UNC79: variants seen among roughly 807,000 people sequenced by gnomAD.
UNC79 encodes the protein unc-79 subunit of NALCN channel complex.
Under a neutral mutation model 283.1 loss-of-function variants are expected in UNC79, and 37 were observed. The observed-to-expected ratio is 0.13, with a 90% CI of 0.10 to 0.17. The LOEUF is 0.17. Ranked by LOEUF, UNC79 falls within the 10% of genes least tolerant of loss-of-function variation. The probability of loss-of-function intolerance (pLI) is 1.00; values close to 1 mark genes in which losing one functional copy is unlikely to be tolerated. For missense variants in UNC79, 2,272 were observed against 3,211.1 expected (o/e 0.71, Z 7.07); for synonymous variants, 1,107 against 1,200.2 (o/e 0.92, Z 1.61).
intron 1 of UNC79, among the ~76,000 whole-genome samples, chr14:93,462,077 C>T (rs1595521686): frequency 6.6e-6 from 1 of 152,104 alleles, no homozygotes; most frequent in East Asian, 1.9e-4. Flanking sequence ...GAGGCCGAGG[C>T]GGTCAGATCA....
Position 93,586,970 on chromosome 14 carries a change from A to T in UNC79, c.3032+62A>T. 2.5e-6 allele frequency: 4 copies of T among 1,571,416 alleles called. No individual in the cohort carries two copies. The South Asian group carries it at 4.8e-5, about 19-fold the overall frequency. ...CATTAGGCTTTAGTTGTGAAAATTAAAGTTAGATTAAGATTTACTGGCTTG... is the reference window on the plus strand; with the variant it reads ...CATTAGGCTTTAGTTGTGAAAATTATAGTTAGATTAAGATTTACTGGCTTG... On this transcript the variant is annotated intron_variant, in intron 22 of 48. Transcript: ENST00000555664.
At chr14:93,686,741 C>T in intron 43 of UNC79, 80 bp downstream of exon 46, 1 of 1,506,650 alleles carries the variant, frequency 6.6e-7, no homozygotes, top group Non-Finnish European at 9.1e-7. Context: ...CCATAGGGAA[C>T]TTATCGCTAC....
chr14:93,701,140 C>A (rs938338240), intron 47 of UNC79, among the ~76,000 whole-genome samples: 5 of 152,216 alleles, frequency 3.3e-5, no homozygotes, highest in Non-Finnish European at 5.9e-5. Flanking sequence ...GCTGCCAGTG[C>A]TACTGCCTGA....
chr14:93,674,523 A>G (rs570997268), intron 41 of UNC79, among the ~76,000 whole-genome samples: 60 of 152,328 alleles, frequency 3.9e-4, no homozygotes, highest in African/African-American at 1.4e-3. Flanking sequence ...TCAGGGTGTC[A>G]TTCAATGGCC....
rs767768906 is a variant in UNC79, at chr14:93,461,962, C to CAA, written c.23-5697_23-5696dup. Among the ~76,000 whole-genome samples, 4 of 35,990 alleles carry CAA rather than the reference C, an allele frequency of 1.1e-4. No homozygotes were observed. The East Asian group carries it at 4.3e-3, about 39-fold the overall frequency. The allele number at this position is 35,990 out of a possible 152,430, so 23.6% of individuals were successfully genotyped here. A position where few individuals can be genotyped will look rare whatever the true frequency, so the allele number is the denominator to read the frequency against. On this transcript the variant is annotated intron_variant, in intron 1 of 48. Transcript: ENST00000555664. Reference sequence around the variant, plus strand: ...ACAAGGACATAGAAAGGTTTTCAAGCAAAAAAAAAAAAAGAAAGAAAAGAA... The same window carrying CAA: ...ACAAGGACATAGAAAGGTTTTCAAGCAAAAAAAAAAAAAAAGAAAGAAAAGAA...
At position 93,690,612 on chromosome 14, in the gene UNC79, C is replaced by A. The variant is rs75195666; in HGVS notation, c.7272+309C>A. On this transcript the variant is annotated intron_variant, in intron 45 of 48. Coordinates refer to ENST00000555664, the Ensembl canonical transcript of UNC79. The surrounding 1 kb of genome is among the most constrained non-coding windows in gnomAD (Gnocchi z 4.3). The stretch of plus-strand genomic sequence containing the variant: ...AGAAATAAAAGGCTAGAAATATAAT[C>A]AAAATTCTGTGATCAGTTTTTAAAA... 4,880 of 288,164 alleles carry A rather than the reference C, an allele frequency of 0.017. 130 individuals are homozygous for A. Among genetic ancestry groups the A allele is most frequent in the African/African-American group, 0.073 (3,363 of 45,984 alleles). The allele number at this position is 288,164 out of a possible 1,614,324, so 17.9% of individuals were successfully genotyped here.
chr14:93,400,501 G>A (rs1469058548), intron 1 of UNC79, among the ~76,000 whole-genome samples: 1 of 152,048 alleles, frequency 6.6e-6, no homozygotes, highest in East Asian at 1.9e-4. Context: ...CAGATGAAGG[G>A]GAAAATTCCT....
In UNC79 at chr14:93,621,638, G is replaced by A; in HGVS notation, c.4405G>A (p.Glu1469Lys). ...TTGATCAGGTGAAATAGAACTGGCT[G>A]AATATAGAGAGACGGGTGCATTACA... The change falls in exon 30 of 49, where the codon GAA becomes AAA. Residue 1469 changes from glutamate (E) to lysine (K), a missense_variant. This residue lies in a region of UNC79 where 580 missense variants were observed against 632.2 expected (regional missense o/e 0.92). Transcript: ENST00000555664. This position sits in a 1 kb window ranked among gnomAD's most constrained non-coding sequence, Gnocchi z 4.8. 1 of 1,571,888 alleles carries A rather than the reference G, an allele frequency of 6.4e-7. No individual in the cohort carries two copies. The highest frequency in any genetic ancestry group is 1.2e-5 in the South Asian group (1 of 83,294).
At chr14:93,517,626 A>G (rs1275603063) in intron 7 of UNC79, among the ~76,000 whole-genome samples, 2 of 151,956 alleles carry the variant, frequency 1.3e-5, no homozygotes, top group African/African-American at 4.8e-5. Context: ...ATGGTAAATT[A>G]CATTGATTTT....
chr14:93,600,413 C>A (rs530275085), intron 24 of UNC79, among the ~76,000 whole-genome samples, 156 bp from the exon 25 acceptor site: 2 of 152,172 alleles, frequency 1.3e-5, no homozygotes, highest in African/African-American at 4.8e-5. Context: ...AACTTCGAAT[C>A]AAAAAAGATT....
rs79033522 is a variant in UNC79, at chr14:93,473,708, C to T, written c.144-381C>T. On this transcript the variant is annotated intron_variant, in intron 2 of 48. Transcript: ENST00000555664. The stretch of plus-strand genomic sequence containing the variant: ...AAAATGTCTTTTCCTTTGAAAGCTC[C>T]TTGTAATTAGGAATAAGAGCCCTTA... Among the ~76,000 whole-genome samples the T allele has an allele frequency of 3.7e-4, 56 of 152,264 alleles. 1 individual carries two copies. The highest frequency in any genetic ancestry group is 4.0e-4 in the Non-Finnish European group (27 of 68,024).
At chr14:93,643,424 C>G in intron 33 of UNC79, 133 bp from the exon 37 acceptor site, 2 of 1,249,430 alleles carry the variant, frequency 1.6e-6, no homozygotes, top group South Asian at 2.7e-5. Flanking sequence ...CTACTGATTA[C>G]CAGAGTGGGG....
rs550629999 is a variant in UNC79, at chr14:93,652,827, T to A, written c.6084-915T>A. On this transcript the variant is annotated intron_variant, in intron 35 of 48. Coordinates refer to ENST00000555664, the Ensembl canonical transcript of UNC79. ...ATTTCTTTTCTGTTTCCTTCTTTTT[T>A]AAAATTTATTTTGATAATGGCTTTA... 9.8e-5 allele frequency among the ~76,000 whole-genome samples: 15 copies of A among 152,330 alleles called. No homozygotes were observed. The East Asian group carries it at 2.9e-3, about 29-fold the overall frequency.
chr14:93,580,124 G>A (rs1255936733), intron 18 of UNC79, 25 bp from the exon 19 acceptor site: 6 of 1,587,296 alleles, frequency 3.8e-6, no homozygotes, highest in Middle Eastern at 1.7e-4. Flanking sequence ...GTGTGTGCGT[G>A]TGTCCTTTTT....
chr14:93,651,035 G>T (rs1422726362), intron 35 of UNC79, among the ~76,000 whole-genome samples: 1 of 152,068 alleles, frequency 6.6e-6, no homozygotes, highest in Non-Finnish European at 1.5e-5. Flanking sequence ...AGTTAAAAAA[G>T]ATATTTTCTT....
At chr14:93,410,854 C>T (rs1051263141) in intron 1 of UNC79, among the ~76,000 whole-genome samples, 1 of 152,100 alleles carries the variant, frequency 6.6e-6, no homozygotes, top group African/African-American at 2.4e-5. Context: ...GATTTTCTGA[C>T]TTCAGGTGAG....
At chr14:93,433,210 G>C (rs572398895) in intron 1 of UNC79, among the ~76,000 whole-genome samples, 3 of 152,276 alleles carry the variant, frequency 2.0e-5, no homozygotes, top group African/African-American at 7.2e-5. Flanking sequence ...AGCTATCTTT[G>C]CTTTAGTCTT....
chr14:93,609,175 G>T (rs1344360979), intron 26 of UNC79, among the ~76,000 whole-genome samples: 1 of 152,160 alleles, frequency 6.6e-6, no homozygotes, highest in Non-Finnish European at 1.5e-5. Context: ...TAATAAGAAT[G>T]GCTTTTGGGG....
In UNC79 at chr14:93,618,453, C is replaced by G. The variant is rs916898323; in HGVS notation, c.4387+99C>G. The stretch of plus-strand genomic sequence containing the variant: ...TAGAAGAGTGTTCCCAGATATCATT[C>G]TGGAGTAAAAAAAAAAATCACTTTC... On this transcript the variant is annotated intron_variant, in intron 29 of 48. Transcript: ENST00000555664. 14 of 1,246,436 alleles carry G rather than the reference C, an allele frequency of 1.1e-5. No individual in the cohort carries two copies. The African/African-American group carries it at 2.0e-4, about 18-fold the overall frequency. 77.2% of individuals were successfully genotyped at this position (1,246,436 alleles called of 1,614,324 possible). A position where few individuals can be genotyped will look rare whatever the true frequency, so the allele number is the denominator to read the frequency against.
Sources: gnomAD v4.1 joint callset for allele counts (sites outside exome capture counted in the v4.1 genomes callset) on GRCh38, gnomAD v4.1.1 for gene constraint, gnomAD v4.1.1 regional missense constraint, Gnocchi (gnomAD v3.1) non-coding constraint, MANE v1.5 for transcripts, NCBI Gene and HGNC (gene_info 2026-07-23, HGNC 2026-07-21) for gene names.